SLC15A4: variants seen among roughly 807,000 people sequenced by gnomAD.
SLC15A4 encodes solute carrier family 15 member 4.
In SLC15A4, 26 loss-of-function variants were observed where a neutral mutation model predicts 46.1. That is an observed-to-expected ratio of 0.56 (90% confidence interval 0.41 to 0.78). The LOEUF is 0.78. SLC15A4 is among the 30% of genes least tolerant of loss of function. The pLI, the probability that SLC15A4 is intolerant of heterozygous loss-of-function variation, is 0.00. For missense variants in SLC15A4, 751 were observed against 755.7 expected (o/e 0.99, Z 0.07); for synonymous variants, 370 against 333.4 (o/e 1.11, Z -1.20).
At chr12:128,816,920 T>C (rs1955761035) in intron 1 of SLC15A4, among the ~76,000 whole-genome samples, 1 of 152,238 alleles carries the variant, frequency 6.6e-6, no homozygotes, top group Admixed American at 6.5e-5. Context: ...TTTTAAAGAT[T>C]AAATCAGAGG....
At chr12:128,813,650 G>A (rs1253885366) in intron 2 of SLC15A4, 4 of 152,228 alleles carry the variant, frequency 2.6e-5, no homozygotes, top group Admixed American at 6.5e-5. Context: ...AGCAACCAGT[G>A]CCATGCCACA....
intron 2 of SLC15A4, among the ~76,000 whole-genome samples, chr12:128,811,237 T>C (rs769200051): frequency 2.0e-5 from 3 of 152,222 alleles, no homozygotes; most frequent in African/African-American, 4.8e-5. Context: ...CCCAATAAGA[T>C]TGTGTTTAAC....
At chr12:128,805,985 C>T (rs560865016) in intron 5 of SLC15A4, among the ~76,000 whole-genome samples, 139 of 151,320 alleles carry the variant, frequency 9.2e-4, no homozygotes, top group Non-Finnish European at 1.8e-3. Context: ...ATCGAGACCA[C>T]GATGAAACCC....
At chr12:128,809,165 A>T in intron 4 of SLC15A4, 1 of 607,176 alleles carries the variant, frequency 1.6e-6, no homozygotes. Flanking sequence ...AGGGGAAAAT[A>T]ATCAGGTGAA....
At chr12:128,811,745 T>C (rs541106390) in intron 2 of SLC15A4, among the ~76,000 whole-genome samples, 35 of 152,366 alleles carry the variant, frequency 2.3e-4, no homozygotes, top group African/African-American at 7.7e-4. Context: ...TAAAAACATT[T>C]AAATAACAAA....
At chr12:128,809,107 G>A (rs915219677) in intron 4 of SLC15A4, 151 bp from the exon 5 acceptor site, 46 of 720,704 alleles carry the variant, frequency 6.4e-5, no homozygotes, top group Non-Finnish European at 1.0e-4. Context: ...ACGGAACTGG[G>A]AAAAGATTTC....
chr12:128,822,927 C>T (rs1436422452), intron 1 of SLC15A4, among the ~76,000 whole-genome samples: 2 of 152,146 alleles, frequency 1.3e-5, no homozygotes, highest in East Asian at 3.9e-4. Context: ...TAGCTCACTG[C>T]AGCCTCCGAA....
At chr12:128,820,413 C>T (rs1955816900) in intron 1 of SLC15A4, among the ~76,000 whole-genome samples, 1 of 152,200 alleles carries the variant, frequency 6.6e-6, no homozygotes, top group Non-Finnish European at 1.5e-5. Flanking sequence ...AAAGCATACG[C>T]CACTGTACAA....
At chr12:128,814,609 C>T (rs1444229968) in intron 2 of SLC15A4, 166 bp downstream of exon 2, 29 of 685,460 alleles carry the variant, frequency 4.2e-5, no homozygotes, top group Middle Eastern at 8.3e-4. Flanking sequence ...ATAATAAGAC[C>T]GCACCCGCCT....
chr12:128,812,433 C>T (rs1202323580), intron 2 of SLC15A4, among the ~76,000 whole-genome samples: 1 of 152,180 alleles, frequency 6.6e-6, no homozygotes, highest in Non-Finnish European at 1.5e-5. Context: ...CATTCTCCTG[C>T]CTCAGCCCCC....
intron 5 of SLC15A4, among the ~76,000 whole-genome samples, chr12:128,806,404 T>C (rs1007397696): frequency 1.8e-4 from 28 of 152,196 alleles, no homozygotes; most frequent in African/African-American, 6.3e-4. Flanking sequence ...AAAAAAATCA[T>C]TTATTATGGG....
chr12:128,811,476 T>C (rs894603385), intron 2 of SLC15A4, among the ~76,000 whole-genome samples: 5 of 152,258 alleles, frequency 3.3e-5, no homozygotes, highest in African/African-American at 1.2e-4. Flanking sequence ...ATCGAGTACC[T>C]GCTGTAGGCC....
Position 128,794,354 on chromosome 12 carries a change from T to C in SLC15A4, c.1576A>G (p.Asn526Asp). 6.2e-7 allele frequency: 1 copy of C among 1,606,746 alleles called. No homozygotes were observed. Residue 526 changes from asparagine to aspartate, a missense_variant and splice_region_variant, in exon 8 of 8, where the codon AAT becomes GAT. Coordinates refer to ENST00000266771, the MANE Select transcript of SLC15A4 (RefSeq NM_145648.4). ...GWMSSHTDFGNINGCYLNYYF... is the reference protein window; with the variant it reads ...GWMSSHTDFGDINGCYLNYYF... Reference sequence around the variant, plus strand: ...TAGTTCAAATAGCAGCCGTTAATATTACCTGGAGAAAACAAAAGGAAAGCG... The same window carrying C: ...TAGTTCAAATAGCAGCCGTTAATATCACCTGGAGAAAACAAAAGGAAAGCG...
At chr12:128,809,795 A>C (rs879110519) in intron 3 of SLC15A4, 148 bp downstream of exon 3, 2 of 752,856 alleles carry the variant, frequency 2.7e-6, no homozygotes, top group Non-Finnish European at 4.1e-6. Flanking sequence ...AAATGACTCC[A>C]TAACTAAAAC....
At chr12:128,809,035 G>A in intron 4 of SLC15A4, 79 bp from the exon 5 acceptor site, 1 of 1,343,790 alleles carries the variant, frequency 7.4e-7, no homozygotes, top group Admixed American at 2.1e-5. Context: ...CGTCTCAATG[G>A]GAGAAATGCA....
intron 1 of SLC15A4, among the ~76,000 whole-genome samples, chr12:128,818,509 G>A (rs1318288348): frequency 6.6e-6 from 1 of 152,164 alleles, no homozygotes; most frequent in Non-Finnish European, 1.5e-5. Context: ...ACACCTCAGG[G>A]TCCCCAGCCA....
chr12:128,807,906 T>C (rs993156748), intron 5 of SLC15A4, among the ~76,000 whole-genome samples: 11 of 152,252 alleles, frequency 7.2e-5, no homozygotes, highest in African/African-American at 2.2e-4. Context: ...ACTATATCAA[T>C]ACATTCAGTC....
chr12:128,814,085 G>C (rs1278272896), intron 2 of SLC15A4: 1 of 156,386 alleles, frequency 6.4e-6, no homozygotes, highest in Non-Finnish European at 1.4e-5. Flanking sequence ...CAGTTCATGG[G>C]ACTTTGGTGC....
intron 5 of SLC15A4, among the ~76,000 whole-genome samples, chr12:128,803,690 T>C (rs918283991): frequency 3.3e-5 from 5 of 152,116 alleles, no homozygotes; most frequent in African/African-American, 2.4e-5. Flanking sequence ...TTTTTGTCCT[T>C]GTCAGAACAG....
Sources: allele counts gnomAD v4.1 joint callset (sites outside exome capture counted in the v4.1 genomes callset), GRCh38; gene constraint gnomAD v4.1.1; transcripts MANE v1.5; gene names NCBI Gene and HGNC (gene_info 2026-07-23, HGNC 2026-07-21).